RGS7: variants seen among roughly 807,000 people sequenced by gnomAD.
RGS7 encodes regulator of G protein signaling 7.
Under a neutral mutation model 81.1 loss-of-function variants are expected in RGS7, and 27 were observed. The ratio of observed to expected loss-of-function variants is 0.33; its 90% CI spans 0.25 to 0.46. RGS7 has a LOEUF of 0.46. RGS7 is among the 20% of genes least tolerant of loss of function. The pLI, the probability that RGS7 is intolerant of heterozygous loss-of-function variation, is 1.00. For missense variants in RGS7, 396 were observed against 607.4 expected (o/e 0.65, Z 3.66); for synonymous variants, 208 against 207.7 (o/e 1.00, Z -0.01).
At chr1:241,029,961 C>A (rs2059982560) in intron 3 of RGS7, among the ~76,000 whole-genome samples, 1 of 152,198 alleles carries the variant, frequency 6.6e-6, no homozygotes. Context: ...ACAGGCACCT[C>A]CATTACACCA....
intron 2 of RGS7, among the ~76,000 whole-genome samples, chr1:241,179,524 C>A (rs150901290): frequency 7.5e-4 from 115 of 152,318 alleles, no homozygotes; most frequent in Middle Eastern, 6.8e-3. Flanking sequence ...AGAACATCTC[C>A]ACTAAATCAC....
At chr1:240,880,476 A>T (rs1466354831) in intron 6 of RGS7, among the ~76,000 whole-genome samples, 1 of 152,366 alleles carries the variant, frequency 6.6e-6, no homozygotes, top group South Asian at 2.1e-4. Context: ...TTGACCAGCC[A>T]CTGCAGCAAT....
intron 2 of RGS7, among the ~76,000 whole-genome samples, chr1:241,135,924 A>T (rs935177115): frequency 5.3e-5 from 8 of 151,268 alleles, no homozygotes; most frequent in Non-Finnish European, 8.8e-5. Context: ...TTATGCAGTG[A>T]CAGGACGAAT....
Position 241,152,916 on chromosome 1 carries a change from T to A in RGS7, c.79-54154A>T, listed in dbSNP as rs141015543. ...GGTTATTTGTTACTACCTGTTAACC[T>A]CCCCTGACTGATACAAAGGTCTTAT... On this transcript the variant is annotated intron_variant, in intron 2 of 18. Transcript: ENST00000440928. Among the ~76,000 whole-genome samples the A allele has an allele frequency of 2.2e-3, 331 of 152,300 alleles. 2 individuals carry two copies. Among genetic ancestry groups the A allele is most frequent in the African/African-American group, 7.7e-3 (319 of 41,562 alleles).
chr1:240,791,141 A>G (rs369459489), intron 18 of RGS7, among the ~76,000 whole-genome samples: 10 of 152,236 alleles, frequency 6.6e-5, no homozygotes, highest in Admixed American at 2.6e-4. Context: ...ATAATAGAGC[A>G]TTCTAGAGAA....
intron 3 of RGS7, among the ~76,000 whole-genome samples, chr1:241,046,662 A>G (rs1558643256): frequency 2.6e-5 from 4 of 151,876 alleles, no homozygotes; most frequent in Admixed American, 2.0e-4. Context: ...AATATATGTG[A>G]CTCTCTCATG....
At chr1:241,057,712 G>A (rs148013901) in intron 3 of RGS7, among the ~76,000 whole-genome samples, 2 of 152,052 alleles carry the variant, frequency 1.3e-5, no homozygotes, top group African/African-American at 4.8e-5. Flanking sequence ...TCAGGAGTTC[G>A]AGACCAGCCT....
intron 3 of RGS7, among the ~76,000 whole-genome samples, chr1:241,005,670 G>T (rs573990006): frequency 1.3e-5 from 2 of 151,998 alleles, no homozygotes; most frequent in South Asian, 2.1e-4. Flanking sequence ...GAGTAGCTGG[G>T]ATTACAGGCA....
intron 3 of RGS7, chr1:240,998,819 G>A (rs776278494): frequency 1.6e-5 from 10 of 606,534 alleles, no homozygotes; most frequent in East Asian, 3.9e-5. Flanking sequence ...TGGGGCTGGC[G>A]CTGCCGGACG....
chr1:241,264,873 T>G (rs2077503826), intron 2 of RGS7, among the ~76,000 whole-genome samples: 2 of 152,198 alleles, frequency 1.3e-5, no homozygotes, highest in South Asian at 4.1e-4. Context: ...CTCAATATGA[T>G]ATGTGCCTTG....
At chr1:241,086,414 G>A (rs114289476) in intron 3 of RGS7, among the ~76,000 whole-genome samples, 156 of 151,866 alleles carry the variant, frequency 1.0e-3, no homozygotes, top group African/African-American at 3.4e-3. Flanking sequence ...CTCACTTCCC[G>A]CACCACCACC....
intron 3 of RGS7, among the ~76,000 whole-genome samples, chr1:241,079,024 T>C (rs181073620): frequency 7.8e-4 from 118 of 151,658 alleles, no homozygotes; most frequent in Admixed American, 1.4e-3. Flanking sequence ...AAATGGAGAG[T>C]GTTTGGGGGG....
At chr1:241,166,972 C>A (rs532851679) in intron 2 of RGS7, among the ~76,000 whole-genome samples, 12 of 152,308 alleles carry the variant, frequency 7.9e-5, no homozygotes, top group Middle Eastern at 3.4e-3. Flanking sequence ...CTATGAAATA[C>A]TTTCTGGCCT....
chr1:241,180,370 A>ATTG (rs2103307150), intron 2 of RGS7, among the ~76,000 whole-genome samples: 1 of 151,518 alleles, frequency 6.6e-6, no homozygotes, highest in Admixed American at 6.6e-5. Flanking sequence ...GCGAGACTCC[A>ATTG]TCTCAAAAAA....
chr1:241,106,924 C>T (rs1327703285), intron 2 of RGS7, among the ~76,000 whole-genome samples: 1 of 149,396 alleles, frequency 6.7e-6, no homozygotes, highest in Non-Finnish European at 1.5e-5. Flanking sequence ...AATCATTTCT[C>T]TCATTCATCT....
chr1:241,119,043 A>G (rs2066062709), intron 2 of RGS7, among the ~76,000 whole-genome samples: 1 of 151,994 alleles, frequency 6.6e-6, no homozygotes, highest in Middle Eastern at 3.4e-3. Flanking sequence ...CAAAATGTAA[A>G]ATAAAATAAA....
At chr1:241,033,632 A>C (rs1465346306) in intron 3 of RGS7, among the ~76,000 whole-genome samples, 1 of 151,896 alleles carries the variant, frequency 6.6e-6, no homozygotes, top group Non-Finnish European at 1.5e-5. Context: ...ATGTCCTTTC[A>C]TTTAATATGT....
chr1:240,961,753 G>C (rs1681478847), intron 4 of RGS7, among the ~76,000 whole-genome samples: 2 of 152,208 alleles, frequency 1.3e-5, no homozygotes. Context: ...AGGACATTAA[G>C]AGGCAGCAGA....
rs2058683107 is a variant in RGS7 at position 241,006,220 on chromosome 1, A to T, written c.176-23091T>A. 2.0e-5 allele frequency among the ~76,000 whole-genome samples: 3 copies of T among 152,194 alleles called. 1 individual carries two copies. Among genetic ancestry groups the T allele is most frequent in the African/African-American group, 7.2e-5 (3 of 41,448 alleles). On this transcript the variant is annotated intron_variant, in intron 3 of 18. Transcript: ENST00000440928. ...TTCCCTTGTCTCTCACTTCAATTAG[A>T]AAATGAAGGTTAGCAAATATTAATG...
Sources: allele counts gnomAD v4.1 joint callset (sites outside exome capture counted in the v4.1 genomes callset), GRCh38; gene constraint gnomAD v4.1.1; transcripts MANE v1.5; gene names NCBI Gene and HGNC (gene_info 2026-07-23, HGNC 2026-07-21).